Variants in DLG1 observed in about 807,000 individuals in gnomAD.
The protein encoded by DLG1 is discs large MAGUK scaffold protein 1.
A neutral mutation model predicts 123.4 loss-of-function variants in DLG1; 42 were observed. The observed-to-expected ratio is 0.34, with a 90% CI of 0.27 to 0.44. DLG1 has a LOEUF of 0.44. Among genes scored for constraint, DLG1 ranks in the 20% least tolerant of loss-of-function variants. DLG1 has a pLI of 1.00. For missense variants in DLG1, 942 were observed against 1,082.6 expected (o/e 0.87, Z 1.82); for synonymous variants, 317 against 356.2 (o/e 0.89, Z 1.24).
intron 4 of DLG1, among the ~76,000 whole-genome samples, chr3:197,219,478 C>T (rs1191714550): frequency 6.6e-6 from 1 of 152,180 alleles, no homozygotes; most frequent in African/African-American, 2.4e-5. Flanking sequence ...AGCCTAGATT[C>T]AAAACCTCTT....
At chr3:197,084,766 T>TTA (rs1417158106) in intron 16 of DLG1, among the ~76,000 whole-genome samples, 30 of 151,594 alleles carry the variant, frequency 2.0e-4, no homozygotes, top group Non-Finnish European at 3.2e-4. Context: ...TGTGTATATT[T>TTA]TATATATATA....
intron 4 of DLG1, among the ~76,000 whole-genome samples, chr3:197,268,310 C>T (rs1197819053): frequency 6.6e-6 from 1 of 152,184 alleles, no homozygotes; most frequent in Non-Finnish European, 1.5e-5. Flanking sequence ...CATACTTAAG[C>T]TTTCACATAG....
chr3:197,091,685 TTAAAAA>T (rs1757810000), intron 14 of DLG1, among the ~76,000 whole-genome samples: 1 of 152,110 alleles, frequency 6.6e-6, no homozygotes, highest in Admixed American at 6.5e-5. Context: ...AAGCTACATA[TTAAAAA>T]CTACTAAATC....
In DLG1 at chr3:197,112,640, G is replaced by A. The variant is rs145978949; in HGVS notation, c.1443+3287C>T. On this transcript the variant is annotated intron_variant, in intron 13 of 24. Coordinates refer to ENST00000667157, the MANE Select transcript of DLG1 (RefSeq NM_001366207.1). ...GTTGCTCTGTTGCCCAGGCTGGAGTGCAGTGGTGGGATCAAAGCTCACTCA... is the reference window on the plus strand; with the variant it reads ...GTTGCTCTGTTGCCCAGGCTGGAGTACAGTGGTGGGATCAAAGCTCACTCA... Among the ~76,000 whole-genome samples, 19 of 152,000 alleles carry A rather than the reference G, an allele frequency of 1.3e-4. 3 individuals carry two copies. In the East Asian group the frequency reaches 3.7e-3, roughly 29 times the overall value.
intron 4 of DLG1, among the ~76,000 whole-genome samples, chr3:197,222,619 C>A (rs75979863): frequency 0.13 from 19,423 of 152,088 alleles, 1,580 homozygotes; most frequent in Admixed American, 0.19. Flanking sequence ...ACGAACAAGT[C>A]CCTGAAGCTA....
At position 197,044,551 on chromosome 3, in the gene DLG1, T is replaced by C. The variant is rs1721638160; in HGVS notation, c.*72A>G. 1 of 1,018,682 alleles carries C rather than the reference T, an allele frequency of 9.8e-7. No homozygotes were observed. Among genetic ancestry groups the C allele is most frequent in the African/African-American group, 1.6e-5 (1 of 62,194 alleles). 63.1% of individuals were successfully genotyped at this position (1,018,682 alleles called of 1,614,324 possible). A position where few individuals can be genotyped will look rare whatever the true frequency, so the allele number is the denominator to read the frequency against. On this transcript the variant is annotated 3_prime_UTR_variant, in exon 25 of 25. Transcript: ENST00000667157. ...CATGAAATCAGTACTCAAGAAAGACTCCAGAGGAAAGGGCAAAGAGATGCC... is the reference window on the plus strand; with the variant it reads ...CATGAAATCAGTACTCAAGAAAGACCCCAGAGGAAAGGGCAAAGAGATGCC...
intron 12 of DLG1, among the ~76,000 whole-genome samples, chr3:197,118,630 G>A (rs969299350): frequency 1.3e-5 from 2 of 152,178 alleles, no homozygotes; most frequent in East Asian, 1.9e-4. Context: ...TATAAAAGAC[G>A]TGTACAAATT....
At chr3:197,231,468 G>A (rs1376327014) in intron 4 of DLG1, among the ~76,000 whole-genome samples, 4 of 152,076 alleles carry the variant, frequency 2.6e-5, no homozygotes, top group African/African-American at 7.2e-5. Flanking sequence ...TTGGGAGGCC[G>A]AGCGGGCGGG....
At chr3:197,260,672 A>G (rs551998833) in intron 4 of DLG1, among the ~76,000 whole-genome samples, 1 of 144,410 alleles carries the variant, frequency 6.9e-6, no homozygotes, top group South Asian at 2.2e-4. Flanking sequence ...GAAATGCTCC[A>G]CAAAGAGGTT....
At chr3:197,194,808 A>G (rs1721540374) in intron 4 of DLG1, among the ~76,000 whole-genome samples, 1 of 152,168 alleles carries the variant, frequency 6.6e-6, no homozygotes, top group African/African-American at 2.4e-5. Flanking sequence ...AAGCTAGGTG[A>G]CAAGAGAAGA....
At chr3:197,225,132 T>C (rs1270503724) in intron 4 of DLG1, among the ~76,000 whole-genome samples, 1 of 152,224 alleles carries the variant, frequency 6.6e-6, no homozygotes, top group East Asian at 1.9e-4. Context: ...AATTTTTTTG[T>C]ACTTTTTAGT....
Position 197,043,711 on chromosome 3 carries a change from T to G in DLG1, c.*912A>C, listed in dbSNP as rs1252847491. 1 of 151,802 alleles carries G rather than the reference T, an allele frequency of 6.6e-6. No homozygotes were observed. Among genetic ancestry groups the G allele is most frequent in the African/African-American group, 2.4e-5 (1 of 41,398 alleles). The allele number at this position is 151,802 out of a possible 1,614,324, so 9.4% of individuals were successfully genotyped here. A position where few individuals can be genotyped will look rare whatever the true frequency, so the allele number is the denominator to read the frequency against. ...ATAGGCAGCTATTGTGGGTAAAATATTCAGTAAAATCTGACTCCTAAGAAT... is the reference window on the plus strand; with the variant it reads ...ATAGGCAGCTATTGTGGGTAAAATAGTCAGTAAAATCTGACTCCTAAGAAT... On this transcript the variant is annotated 3_prime_UTR_variant, in exon 25 of 25. Transcript: ENST00000667157.
At chr3:197,245,655 T>C (rs1578633407) in intron 4 of DLG1, among the ~76,000 whole-genome samples, 2 of 152,268 alleles carry the variant, frequency 1.3e-5, no homozygotes, top group East Asian at 1.9e-4. Context: ...GCATTTCTCT[T>C]TGGTCTGGTA....
At chr3:197,060,895 G>A (rs892087628) in intron 22 of DLG1, among the ~76,000 whole-genome samples, 5 of 152,198 alleles carry the variant, frequency 3.3e-5, no homozygotes, top group Non-Finnish European at 5.9e-5. Context: ...GCATGATCTC[G>A]GCTTACTGCA....
chr3:197,087,117 C>T (rs937666975), intron 15 of DLG1, among the ~76,000 whole-genome samples: 1 of 152,184 alleles, frequency 6.6e-6, no homozygotes, highest in African/African-American at 2.4e-5. Flanking sequence ...TTCACATTCA[C>T]CTGCGTATAT....
chr3:197,050,296 G>C (rs531246180), intron 24 of DLG1, among the ~76,000 whole-genome samples: 1 of 152,072 alleles, frequency 6.6e-6, no homozygotes, highest in South Asian at 2.1e-4. Flanking sequence ...GAACACGGAA[G>C]GCGGAGGTTG....
At chr3:197,152,156 T>A (rs1794185667) in intron 5 of DLG1, among the ~76,000 whole-genome samples, 1 of 152,322 alleles carries the variant, frequency 6.6e-6, no homozygotes, top group African/African-American at 2.4e-5. Flanking sequence ...GGTATTGCTA[T>A]CTTTTCACAG....
At chr3:197,290,153 TAA>T (rs1033694927) in intron 3 of DLG1, among the ~76,000 whole-genome samples, 2 of 151,048 alleles carry the variant, frequency 1.3e-5, no homozygotes, top group African/African-American at 4.9e-5. Context: ...TAATAAATGA[TAA>T]GTCATTGAAA....
chr3:197,207,768 A>G (rs1229589013), intron 4 of DLG1, among the ~76,000 whole-genome samples: 1 of 116,464 alleles, frequency 8.6e-6, no homozygotes, highest in Non-Finnish European at 2.1e-5. Flanking sequence ...ATTGGTTAAA[A>G]GATTATTCAA....
Sources: gnomAD v4.1 joint callset for allele counts (sites outside exome capture counted in the v4.1 genomes callset) on GRCh38, gnomAD v4.1.1 for gene constraint, MANE v1.5 for transcripts, NCBI Gene and HGNC (gene_info 2026-07-23, HGNC 2026-07-21) for gene names.